PKHD1L1: variants seen among roughly 807,000 people sequenced by gnomAD.
PKHD1L1 encodes PKHD1 like 1.
A neutral mutation model predicts 462.9 loss-of-function variants in PKHD1L1; 434 were observed. That is an observed-to-expected ratio of 0.94 (90% CI 0.87 to 1.02). The LOEUF (loss-of-function observed/expected upper bound fraction) is 1.02, where lower values mean the gene tolerates loss of function less well. Ranked by LOEUF, PKHD1L1 falls within the 50% of genes least tolerant of loss-of-function variation. The pLI, the probability that PKHD1L1 is intolerant of heterozygous loss-of-function variation, is 0.00. For synonymous variants in PKHD1L1, 1,781 were observed against 1,750.0 expected, an observed-to-expected ratio of 1.02 and a Z score of -0.44; for missense variants, 5,202 against 5,096.1, an observed-to-expected ratio of 1.02 and a Z score of -0.63.
intron 2 of PKHD1L1, among the ~76,000 whole-genome samples, chr8:109,368,024 C>T (rs1811317170): frequency 6.6e-6 from 1 of 152,302 alleles, no homozygotes; most frequent in South Asian, 2.1e-4. Flanking sequence ...TATTATACCT[C>T]CCTCTGAGAT....
chr8:109,404,707 A>G lies in PKHD1L1; in HGVS notation c.1527A>G (p.Glu509=). Reference sequence around the variant, plus strand: ...AATCCCAGTCGACAATCCTCCAGGAAGTACAGGTTTGCTATGATTGCAGTT... The same window carrying G: ...AATCCCAGTCGACAATCCTCCAGGAGGTACAGGTTTGCTATGATTGCAGTT... ...VIKSQSTILQ[E]VQVITLENWE... is the part of the protein sequence containing the mutation. Residue 509 remains glutamate, a synonymous_variant, in exon 15 of 78, where the codon GAA becomes GAG. Coordinates refer to ENST00000378402, the MANE Select transcript of PKHD1L1 (RefSeq NM_177531.6). 6.2e-7 allele frequency: 1 copy of G among 1,600,504 alleles called. No homozygotes were observed. Among genetic ancestry groups the G allele is most frequent in the Non-Finnish European group, 8.5e-7 (1 of 1,173,808 alleles).
At position 109,430,018 on chromosome 8, in the gene PKHD1L1, G is replaced by C; in HGVS notation, c.3210G>C (p.Leu1070Phe). Residue 1070 changes from leucine (L) to phenylalanine (F), a missense_variant, in exon 27 of 78, where the codon TTG becomes TTC. Coordinates refer to ENST00000378402, the MANE Select transcript of PKHD1L1 (RefSeq NM_177531.6). The stretch of plus-strand genomic sequence containing the variant: ...ATTCCAACATTACTCCCCTAGTCTT[G>C]GCGATAAGCCCTTCTCAAGGTAACT... Reference protein sequence around the residue: ...TWDSNITPLVLAISPSQGSYE... With the variant: ...TWDSNITPLVFAISPSQGSYE... 6.2e-7 allele frequency: 1 copy of C among 1,607,834 alleles called. No individual in the cohort carries two copies. The highest frequency in any genetic ancestry group is 1.1e-5 in the South Asian group (1 of 89,872).
At chr8:109,434,106 G>A (rs369717648) in intron 28 of PKHD1L1, among the ~76,000 whole-genome samples, 6 of 152,206 alleles carry the variant, frequency 3.9e-5, no homozygotes, top group East Asian at 3.9e-4. Context: ...TCGAGGGGTT[G>A]GGGGCTAGGG....
rs542467516 is a variant in PKHD1L1 at position 109,523,121 on chromosome 8, G to T, written c.12331-112G>T. Reference sequence around the variant, plus strand: ...TCTTTGTGTGGAATAAGGAGCTTCTGCAGATTTTCAATTTATAATGAGGCA... The same window carrying T: ...TCTTTGTGTGGAATAAGGAGCTTCTTCAGATTTTCAATTTATAATGAGGCA... On this transcript the variant is annotated intron_variant, in intron 75 of 77. Transcript: ENST00000378402. The T allele has an allele frequency of 7.1e-5, 80 of 1,131,024 alleles. No homozygotes were observed. The African/African-American group carries it at 1.2e-3, about 17-fold the overall frequency. The allele number at this position is 1,131,024 out of a possible 1,614,324, so 70.1% of individuals were successfully genotyped here. A position where few individuals can be genotyped will look rare whatever the true frequency, so the allele number is the denominator to read the frequency against.
At chr8:109,369,498 T>C (rs553577085) in intron 2 of PKHD1L1, among the ~76,000 whole-genome samples, 1 of 152,312 alleles carries the variant, frequency 6.6e-6, no homozygotes, top group East Asian at 1.9e-4. Context: ...GACATTATAG[T>C]AACTCCTAAG....
Position 109,515,220 on chromosome 8 carries a change from T to C in PKHD1L1, c.11604T>C (p.Tyr3868=). 1.2e-6 allele frequency: 2 copies of C among 1,604,746 alleles called. No homozygotes were observed. The highest frequency in any genetic ancestry group is 8.5e-7 in the Non-Finnish European group (1 of 1,174,164). The change falls in exon 72 of 78, where the codon TAT becomes TAC. Residue 3868 remains tyrosine (Y), a synonymous_variant. Coordinates refer to ENST00000378402, the MANE Select transcript of PKHD1L1 (RefSeq NM_177531.6). ...CCACACTTCAACGTTTGGATGTCTA[T>C]GTGAACAACTTATTGGTCTGTCCAA... The part of the protein sequence containing the change: ...FFSTLQRLDV[Y]VNNLLVCPKT...
chr8:109,408,287 A>G (rs1813666923), intron 18 of PKHD1L1, 81 bp downstream of exon 18: 1 of 1,284,764 alleles, frequency 7.8e-7, no homozygotes, highest in Non-Finnish European at 1.0e-6. Flanking sequence ...GACAGATGGG[A>G]AAGAGATGTT....
chr8:109,428,067 G>A (rs961252163), intron 25 of PKHD1L1, among the ~76,000 whole-genome samples: 3 of 146,820 alleles, frequency 2.0e-5, no homozygotes, highest in African/African-American at 7.4e-5. Flanking sequence ...TTCTGGTGAT[G>A]ATGAGAGTGC....
At chr8:109,512,713 T>G (rs915527509) in intron 71 of PKHD1L1, among the ~76,000 whole-genome samples, 1 of 152,156 alleles carries the variant, frequency 6.6e-6, no homozygotes, top group Non-Finnish European at 1.5e-5. Flanking sequence ...TTTAAAGTAG[T>G]TTTTTCCAGT....
At chr8:109,491,820 A>G in intron 61 of PKHD1L1, 53 bp from the exon 62 acceptor site, 1 of 1,479,966 alleles carries the variant, frequency 6.8e-7, no homozygotes, top group Non-Finnish European at 9.2e-7. Context: ...AGTCGTTGCA[A>G]ATTGACTTAT....
chr8:109,404,896 A>G (rs1432711140), intron 15 of PKHD1L1, 99 bp from the exon 16 acceptor site: 1 of 1,081,420 alleles, frequency 9.2e-7, no homozygotes, highest in Non-Finnish European at 1.3e-6. Context: ...CATTTGTAGT[A>G]AAATAGAGCA....
intron 36 of PKHD1L1, 144 bp downstream of exon 36, chr8:109,443,260 A>C: frequency 1.4e-6 from 1 of 732,534 alleles, no homozygotes; most frequent in Admixed American, 2.5e-5. Context: ...GGCTTCTCTG[A>C]GGCTGGAATT....
chr8:109,394,692 A>G (rs1396246172), intron 10 of PKHD1L1, among the ~76,000 whole-genome samples: 1 of 152,206 alleles, frequency 6.6e-6, no homozygotes, highest in Non-Finnish European at 1.5e-5. Flanking sequence ...TCTTAGTTTA[A>G]GATTGATTGA....
At chr8:109,528,822 T>A (rs1266875780) in intron 77 of PKHD1L1, among the ~76,000 whole-genome samples, 3 of 152,238 alleles carry the variant, frequency 2.0e-5, no homozygotes, top group Non-Finnish European at 2.9e-5. Context: ...CTGGTTTAAT[T>A]GATTTTAAAT....
chr8:109,408,499 T>C (rs985883916), intron 18 of PKHD1L1, among the ~76,000 whole-genome samples: 3 of 152,120 alleles, frequency 2.0e-5, no homozygotes, highest in Non-Finnish European at 4.4e-5. Context: ...CACACTGGAG[T>C]TGTTCTTCAC....
At chr8:109,366,584 A>T (rs1455374593) in intron 2 of PKHD1L1, among the ~76,000 whole-genome samples, 1 of 152,224 alleles carries the variant, frequency 6.6e-6, no homozygotes, top group Non-Finnish European at 1.5e-5. Flanking sequence ...GTTTGCGAAG[A>T]GGGAAAATCT....
chr8:109,362,521 G>A lies in PKHD1L1; in HGVS notation c.-60G>A. The A allele has an allele frequency of 6.7e-7, 1 of 1,496,750 alleles. No homozygotes were observed. Among genetic ancestry groups the A allele is most frequent in the East Asian group, 2.5e-5 (1 of 40,730 alleles). 92.7% of individuals were successfully genotyped at this position (1,496,750 alleles called of 1,614,324 possible). A position where few individuals can be genotyped will look rare whatever the true frequency, so the allele number is the denominator to read the frequency against. Reference sequence around the variant, plus strand: ...AGCGAGTCGCAGTCCCAGGAGCCGAGCTCCAGCACTAGAGCCAGCTGCGAG... The same window carrying A: ...AGCGAGTCGCAGTCCCAGGAGCCGAACTCCAGCACTAGAGCCAGCTGCGAG... On this transcript the variant is annotated 5_prime_UTR_variant, in exon 1 of 78. Coordinates refer to ENST00000378402, the MANE Select transcript of PKHD1L1 (RefSeq NM_177531.6).
intron 38 of PKHD1L1, among the ~76,000 whole-genome samples, chr8:109,447,092 A>C (rs1289502370): frequency 6.6e-6 from 1 of 151,986 alleles, no homozygotes; most frequent in African/African-American, 2.4e-5. Flanking sequence ...GCATGGCGGC[A>C]TGCACCTGTA....
At position 109,497,150 on chromosome 8, in the gene PKHD1L1, A is replaced by C; in HGVS notation, c.10477A>C (p.Thr3493Pro). ...TCWDYGIYFQ[T>P]TESVHIYNVT... ...ATGTAACCTGCAAATTCTATTGCAG[A>C]CCACAGAGAGTGTGCACATTTATAA... The change falls in exon 65 of 78, where the codon ACC (threonine) becomes CCC (proline). Residue 3493 changes from threonine (T) to proline (P), a missense_variant and splice_region_variant. By Grantham distance (38) the Thr-to-Pro change is conservative (BLOSUM62 -1). Transcript: ENST00000378402. 1 of 1,613,498 alleles carries C rather than the reference A, an allele frequency of 6.2e-7. No homozygotes were observed. The highest frequency in any genetic ancestry group is 8.5e-7 in the Non-Finnish European group (1 of 1,179,628).
Sources: allele counts gnomAD v4.1 joint callset (sites outside exome capture counted in the v4.1 genomes callset), GRCh38; gene constraint gnomAD v4.1.1; transcripts MANE v1.5; gene names NCBI Gene and HGNC (gene_info 2026-07-23, HGNC 2026-07-21).